The following CSGALNACT1 variants were observed in gnomAD, a reference collection of about 807,000 sequenced individuals.
CSGALNACT1 encodes beta4GalNAcT-1.
In CSGALNACT1, 52 loss-of-function variants were observed where a neutral mutation model predicts 51.0. The ratio of observed to expected loss-of-function variants is 1.02; its 90% confidence interval spans 0.82 to 1.29. CSGALNACT1 has a LOEUF of 1.29. Ranked by LOEUF, CSGALNACT1 falls within the 50% of genes most tolerant of loss-of-function variation. The pLI is 0.00. For missense variants in CSGALNACT1, 935 were observed against 679.2 expected (o/e 1.38, Z -4.19); for synonymous variants, 341 against 254.4 (o/e 1.34, Z -3.24).
intron 1 of CSGALNACT1, among the ~76,000 whole-genome samples, chr8:19,730,565 C>A (rs556617823): frequency 6.6e-6 from 1 of 152,154 alleles, no homozygotes; most frequent in Non-Finnish European, 1.5e-5. Flanking sequence ...TAAGGTGAAC[C>A]CACCGGAAGG....
At chr8:19,652,670 T>G (rs2057918581) in intron 1 of CSGALNACT1, among the ~76,000 whole-genome samples, 1 of 152,220 alleles carries the variant, frequency 6.6e-6, no homozygotes, top group South Asian at 2.1e-4. Flanking sequence ...ACAGTAGACT[T>G]TGGGAAACAG....
intron 4 of CSGALNACT1, among the ~76,000 whole-genome samples, chr8:19,504,953 T>C (rs777455619): frequency 2.6e-5 from 4 of 152,218 alleles, no homozygotes; most frequent in Non-Finnish European, 5.9e-5. Flanking sequence ...GAAGAAGTTC[T>C]ACCTTCTTCT....
chr8:19,594,667 C>A (rs1353490108), intron 2 of CSGALNACT1, among the ~76,000 whole-genome samples: 1 of 152,034 alleles, frequency 6.6e-6, no homozygotes, highest in South Asian at 2.1e-4. Context: ...CCTCAGCTTC[C>A]CAAGTAGTTG....
intron 4 of CSGALNACT1, among the ~76,000 whole-genome samples, chr8:19,496,559 A>G (rs2075500480): frequency 6.6e-6 from 1 of 152,248 alleles, no homozygotes; most frequent in African/African-American, 2.4e-5. Flanking sequence ...CCAAGATATA[A>G]TGAGCTGAAA....
intron 1 of CSGALNACT1, among the ~76,000 whole-genome samples, chr8:19,695,605 C>T (rs4921668): frequency 0.23 from 34,368 of 151,992 alleles, 4,091 homozygotes; most frequent in Admixed American, 0.29. Flanking sequence ...AAAAACATGG[C>T]GTTTAGATTT....
intron 3 of CSGALNACT1, among the ~76,000 whole-genome samples, chr8:19,564,416 A>C (rs1305130729): frequency 6.8e-6 from 1 of 147,992 alleles, no homozygotes; most frequent in South Asian, 2.1e-4. Flanking sequence ...TTTTTTTTTT[A>C]AAGTTCCTGC....
intron 4 of CSGALNACT1, among the ~76,000 whole-genome samples, chr8:19,465,327 T>A (rs2066426752): frequency 6.6e-6 from 1 of 151,984 alleles, no homozygotes. Context: ...AGAATAGAGG[T>A]TGCCAGGGGC....
At chr8:19,488,029 T>G (rs1346899253) in intron 4 of CSGALNACT1, among the ~76,000 whole-genome samples, 2 of 152,084 alleles carry the variant, frequency 1.3e-5, no homozygotes, top group African/African-American at 4.8e-5. Context: ...TATGGGGGTT[T>G]GCAATATGAC....
intron 1 of CSGALNACT1, among the ~76,000 whole-genome samples, chr8:19,691,283 C>A (rs566822085): frequency 2.0e-5 from 3 of 152,106 alleles, no homozygotes; most frequent in African/African-American, 4.8e-5. Flanking sequence ...TTTCAGCCAA[C>A]GATGCACAGG....
intron 1 of CSGALNACT1, among the ~76,000 whole-genome samples, chr8:19,622,390 G>C (rs1416354214): frequency 2.0e-5 from 3 of 152,298 alleles, no homozygotes; most frequent in South Asian, 2.1e-4. Flanking sequence ...TGGTTCATGA[G>C]AGACAACTAT....
intron 1 of CSGALNACT1, among the ~76,000 whole-genome samples, chr8:19,676,109 A>AAAAAAAAAAAAAT (rs2060171865): frequency 6.7e-6 from 1 of 149,514 alleles, no homozygotes; most frequent in African/African-American, 2.5e-5. Context: ...AACAAAAAAA[A>AAAAAAAAAAAAAT]CTCCCAGATT....
At chr8:19,406,204 G>A (rs973273451) in intron 9 of CSGALNACT1, 135 bp from the exon 9 acceptor site, 23 of 1,030,196 alleles carry the variant, frequency 2.2e-5, no homozygotes, top group Middle Eastern at 2.9e-4. Context: ...TCCAAGGTAC[G>A]AGAGTGTCCA....
chr8:19,648,857 G>A (rs982057471), intron 1 of CSGALNACT1, among the ~76,000 whole-genome samples: 2 of 152,132 alleles, frequency 1.3e-5, no homozygotes, highest in Admixed American at 1.3e-4. Context: ...TAACAGAGAA[G>A]TGGATAAATT....
chr8:19,601,619 G>A (rs2050444630), intron 2 of CSGALNACT1, among the ~76,000 whole-genome samples, 152 bp downstream of exon 2: 1 of 152,146 alleles, frequency 6.6e-6, no homozygotes, highest in Non-Finnish European at 1.5e-5. Context: ...GTATTATTTT[G>A]GAAGAAGTAT....
intron 3 of CSGALNACT1, among the ~76,000 whole-genome samples, chr8:19,520,820 C>T (rs2080519423): frequency 6.6e-6 from 1 of 152,270 alleles, no homozygotes; most frequent in East Asian, 1.9e-4. Context: ...ATATTATAAC[C>T]ATTTTGCAGA....
chr8:19,568,640 T>A (rs1038836894), intron 3 of CSGALNACT1, among the ~76,000 whole-genome samples: 1 of 152,204 alleles, frequency 6.6e-6, no homozygotes, highest in Non-Finnish European at 1.5e-5. Flanking sequence ...GAATCTAAAG[T>A]CTAAAGTGGC....
At chr8:19,603,813 A>C (rs976408290), upstream of CSGALNACT1, among the ~76,000 whole-genome samples, 1 of 152,198 alleles carries the variant, frequency 6.6e-6, no homozygotes, top group Non-Finnish European at 1.5e-5. Flanking sequence ...ACATAATCCA[A>C]AACCACACTT....
intron 1 of CSGALNACT1, among the ~76,000 whole-genome samples, chr8:19,750,181 C>G (rs921466519): frequency 2.6e-5 from 4 of 152,178 alleles, no homozygotes; most frequent in Admixed American, 2.6e-4. Flanking sequence ...CCCCTTGTAC[C>G]CAAACCTTAT....
At chr8:19,454,043 C>A (rs1010821192) in intron 5 of CSGALNACT1, among the ~76,000 whole-genome samples, 1 of 152,190 alleles carries the variant, frequency 6.6e-6, no homozygotes, top group African/African-American at 2.4e-5. Flanking sequence ...AAGCCGTTTA[C>A]GAGAGAGACA....
Sources: allele counts gnomAD v4.1 joint callset (sites outside exome capture counted in the v4.1 genomes callset), GRCh38; gene constraint gnomAD v4.1.1; transcripts MANE v1.5; gene names NCBI Gene and HGNC (gene_info 2026-07-23, HGNC 2026-07-21).